LYST: variants seen among roughly 807,000 people sequenced by gnomAD.
LYST encodes the protein lysosomal trafficking regulator.
Under a neutral mutation model 413.6 loss-of-function variants are expected in LYST, and 192 were observed. The observed-to-expected ratio is 0.46, with a 90% confidence interval of 0.41 to 0.52. LYST has a LOEUF of 0.52. Ranked by LOEUF, LYST falls within the 20% of genes least tolerant of loss-of-function variation. The probability of loss-of-function intolerance (pLI) is 0.00; values close to 1 mark genes in which losing one functional copy is unlikely to be tolerated. For synonymous variants in LYST, 1,525 were observed against 1,567.3 expected (o/e 0.97, Z 0.64); for missense variants, 3,815 against 4,499.9 (o/e 0.85, Z 4.35).
chr1:235,677,540 G>T lies in LYST; in HGVS notation c.10880C>A (p.Pro3627Gln), dbSNP rs772607938. 6.2e-7 allele frequency: 1 copy of T among 1,613,122 alleles called. No homozygotes were observed. The highest frequency in any genetic ancestry group is 8.5e-7 in the Non-Finnish European group (1 of 1,179,248). The change falls in exon 49 of 53, where the codon CCA becomes CAA. Residue 3627 changes from proline (P) to glutamine (Q), a missense_variant. Transcript: ENST00000389793. ...EEITSLFVCK[P>Q]YSILISVSRD... ...GCTCACACTTATCAGTATACTGTAT[G>T]GTTTGCAAACAAATAAGCTGGTTAT...
At chr1:235,767,651 C>A (rs977129494) in intron 20 of LYST, among the ~76,000 whole-genome samples, 1 of 151,962 alleles carries the variant, frequency 6.6e-6, no homozygotes, top group Admixed American at 6.6e-5. Flanking sequence ...TTTTTTTAAT[C>A]CCTTAACTTT....
chr1:235,787,392 G>A lies in LYST; in HGVS notation c.4689-19C>T. 11 of 1,609,270 alleles carry A rather than the reference G, an allele frequency of 6.8e-6. No homozygotes were observed. Among genetic ancestry groups the A allele is most frequent in the Non-Finnish European group, 8.5e-6 (10 of 1,176,112 alleles). On this transcript the variant is annotated intron_variant, in intron 13 of 52. Transcript: ENST00000389793. ...GCACACACTACAGAAAAAGAGAAAA[G>A]GCATAGGCTGAAAACATGAAAATTC...
In LYST at chr1:235,727,927, A is replaced by T. The variant is rs538238947; in HGVS notation, c.9162+149T>A. On this transcript the variant is annotated intron_variant, in intron 38 of 52. Transcript: ENST00000389793. The stretch of plus-strand genomic sequence containing the variant: ...CAGTCTTCTTTTTAAAATTATATTT[A>T]AAAAAATGTTTGGAACTCAGACCAA... 1.5e-4 allele frequency: 92 copies of T among 616,586 alleles called. No homozygotes were observed. The East Asian group carries it at 2.3e-3, about 15-fold the overall frequency. 38.2% of individuals were successfully genotyped at this position (616,586 alleles called of 1,614,324 possible). A position where few individuals can be genotyped will look rare whatever the true frequency, so the allele number is the denominator to read the frequency against.
chr1:235,698,643 G>T (rs552236003), intron 45 of LYST, among the ~76,000 whole-genome samples: 1 of 152,158 alleles, frequency 6.6e-6, no homozygotes, highest in East Asian at 1.9e-4. Context: ...AGGCCGAGGC[G>T]GGCGGATCAT....
chr1:235,733,572 C>A lies in LYST; in HGVS notation c.8732G>T (p.Gly2911Val), dbSNP rs1404874499. ...ERKKVIQHIR[G>V]MYKVDLSASR... ...GGCACTCAAATCTACTTTATACATT[C>A]CTCTAATATGCTGGATCACCTTTTT... The change falls in exon 34 of 53, where the codon GGA becomes GTA. Residue 2911 changes from glycine to valine, a missense_variant. Physicochemically the swap from Gly to Val is moderately radical, Grantham distance 109. This residue lies in a region of LYST where 866 missense variants were observed against 1,156.0 expected (regional missense o/e 0.75). Coordinates refer to ENST00000389793, the MANE Select transcript of LYST (RefSeq NM_000081.4). The A allele has an allele frequency of 8.1e-6, 13 of 1,613,938 alleles. No individual in the cohort carries two copies. The highest frequency in any genetic ancestry group is 1.1e-5 in the Non-Finnish European group (13 of 1,179,894).
rs763560118 is a variant in LYST at position 235,809,730 on chromosome 1, A to G, written c.1088T>C (p.Ile363Thr). Residue 363 changes from isoleucine (I) to threonine (T), a missense_variant, in exon 5 of 53, where the codon ATT (isoleucine) becomes ACT (threonine). Ile to Thr is a moderately conservative substitution (Grantham distance 89, BLOSUM62 -1). Around this residue, in one of 4 missense-constraint regions of LYST, gnomAD observed 1,648 missense variants for 1,810.3 expected, o/e 0.91. Transcript: ENST00000389793. The surrounding 1 kb of genome is among the most constrained non-coding windows in gnomAD (Gnocchi z 4.0). The stretch of plus-strand genomic sequence containing the variant: ...AGGCTGCTTTTCTAGGCATATTCTA[A>G]TTTTTAAAGCTGCTCTAAGCAATTC... Reference protein sequence around the residue: ...LTELLRAALKIRICLEKQPDP... With the variant: ...LTELLRAALKTRICLEKQPDP... 1 of 1,613,768 alleles carries G rather than the reference A, an allele frequency of 6.2e-7. No homozygotes were observed.
At position 235,782,716 on chromosome 1, in the gene LYST, C is replaced by G. The variant is rs189943445; in HGVS notation, c.4863-629G>C. On this transcript the variant is annotated intron_variant, in intron 14 of 52. Coordinates refer to ENST00000389793, the MANE Select transcript of LYST (RefSeq NM_000081.4). Reference sequence around the variant, plus strand: ...GTTTACAGATATAAACCAACCACCTCCCCTTAATTTTGCCAAGAAGTCTCC... The same window carrying G: ...GTTTACAGATATAAACCAACCACCTGCCCTTAATTTTGCCAAGAAGTCTCC... Among the ~76,000 whole-genome samples, 19 of 152,272 alleles carry G rather than the reference C, an allele frequency of 1.2e-4. No homozygotes were observed. The East Asian group carries it at 3.3e-3, about 26-fold the overall frequency.
At chr1:235,694,523 G>C (rs1177523565) in intron 46 of LYST, among the ~76,000 whole-genome samples, 1 of 152,130 alleles carries the variant, frequency 6.6e-6, no homozygotes, top group Non-Finnish European at 1.5e-5. Context: ...ATTTATTCCA[G>C]TACCTAGCAG....
At position 235,792,008 on chromosome 1, in the gene LYST, G is replaced by A; in HGVS notation, c.4234C>T (p.Gln1412Ter). The change falls in exon 12 of 53, where the codon CAA (glutamine) becomes TAA (stop). Residue 1412 changes from glutamine to a stop codon, truncating the protein, a stop_gained. Coordinates refer to ENST00000389793, the MANE Select transcript of LYST (RefSeq NM_000081.4). LOFTEE classifies it high-confidence loss of function. The part of the protein sequence containing the change: ...APNLSNGVSS[Q>*]KYPGILNSKA... The stretch of plus-strand genomic sequence containing the variant: ...CTGTTTAAAATCCCAGGATACTTTT[G>A]TGATGAAACACCGTTGCTTAAATTT... 1 of 1,614,094 alleles carries A rather than the reference G, an allele frequency of 6.2e-7. No individual in the cohort carries two copies. The highest frequency in any genetic ancestry group is 1.1e-5 in the South Asian group (1 of 91,086).
intron 42 of LYST, chr1:235,712,697 G>C (rs889955992): frequency 8.5e-5 from 84 of 984,852 alleles, no homozygotes; most frequent in East Asian, 2.3e-4. Context: ...TTTTTTTCGG[G>C]GGGGTGCGTA....
chr1:235,779,921 T>C (rs1669674814), intron 16 of LYST, among the ~76,000 whole-genome samples: 1 of 152,180 alleles, frequency 6.6e-6, no homozygotes, highest in Non-Finnish European at 1.5e-5. Flanking sequence ...TAGATTTTAG[T>C]AGATTTTCTA....
rs1659443751 is a variant in LYST, at chr1:235,677,137, G to A, written c.10992C>T (p.Val3664=). 1 of 1,613,918 alleles carries A rather than the reference G, an allele frequency of 6.2e-7. No homozygotes were observed. Among genetic ancestry groups the A allele is most frequent in the South Asian group, 1.1e-5 (1 of 91,076 alleles). The part of the protein sequence containing the change: ...LAGHKSPVTA[V]SASETSGDIA... The stretch of plus-strand genomic sequence containing the variant: ...TATCACCTGAGGTTTCACTGGCAGA[G>A]ACAGCTGTGACAGGGCTTTTGTGTC... Residue 3664 remains valine, a synonymous_variant, in exon 50 of 53, where the codon GTC becomes GTT. Transcript: ENST00000389793.
intron 8 of LYST, among the ~76,000 whole-genome samples, chr1:235,801,942 TC>T (rs1672275232): frequency 6.6e-6 from 1 of 152,058 alleles, no homozygotes; most frequent in Non-Finnish European, 1.5e-5. Context: ...ACGCCTGTAA[TC>T]CCAGCACTTT....
chr1:235,690,204 A>C (rs1660541944), intron 47 of LYST, among the ~76,000 whole-genome samples: 1 of 152,240 alleles, frequency 6.6e-6, no homozygotes, highest in East Asian at 1.9e-4. Context: ...GATGACAGCA[A>C]TGAGTTAAAT....
At chr1:235,683,680 G>GT (rs1660003648) in intron 48 of LYST, among the ~76,000 whole-genome samples, 1 of 152,200 alleles carries the variant, frequency 6.6e-6, no homozygotes, top group African/African-American at 2.4e-5. Flanking sequence ...GTGGCACTTG[G>GT]TTGGGGGGCC....
chr1:235,791,155 C>A (rs111975307), intron 12 of LYST, among the ~76,000 whole-genome samples: 2 of 151,870 alleles, frequency 1.3e-5, no homozygotes, highest in African/African-American at 4.8e-5. Context: ...TGATTGCTGG[C>A]GCCTGAATCC....
Position 235,757,343 on chromosome 1 carries a change from C to T in LYST, c.6997G>A (p.Ala2333Thr), listed in dbSNP as rs766596704. 1 of 1,613,530 alleles carries T rather than the reference C, an allele frequency of 6.2e-7. No homozygotes were observed. Among genetic ancestry groups the T allele is most frequent in the South Asian group, 1.1e-5 (1 of 91,058 alleles). ...TTAACGAGGACCAAAAGTGTATCTG[C>T]TTGAATAAGCTTGTCCATCACATCT... The part of the protein sequence containing the change: ...LEDVMDKLIQ[A>T]DTLLVLVNHP... Residue 2333 changes from alanine (A) to threonine (T), a missense_variant, in exon 24 of 53, where the codon GCA becomes ACA. Transcript: ENST00000389793.
chr1:235,806,231 AACGAC>A lies in LYST; in HGVS notation c.2900_2904del (p.Cys967LeufsTer15). Reference sequence around the variant, plus strand: ...AACACTGAACTCAACATGTAGATCCAACGACACATAGACCAAATGTCTGCTGCTTG... The same window carrying A: ...AACACTGAACTCAACATGTAGATCCAACATAGACCAAATGTCTGCTGCTTG... On this transcript the variant is annotated frameshift_variant, in exon 6 of 53. Coordinates refer to ENST00000389793, the MANE Select transcript of LYST (RefSeq NM_000081.4). LOFTEE classifies it high-confidence loss of function. 6.2e-7 allele frequency: 1 copy of A among 1,614,072 alleles called. No individual in the cohort carries two copies. Among genetic ancestry groups the A allele is most frequent in the South Asian group, 1.1e-5 (1 of 91,084 alleles).
chr1:235,827,504 CATACAACTATGTGTCTAGTGTTATG>C (rs1336886058), intron 3 of LYST: 1 of 980,528 alleles, frequency 1.0e-6, no homozygotes, highest in Non-Finnish European at 1.2e-6. Flanking sequence ...CCTCCTAAAA[CATACAACTATGTGTCTAGTGTTATG>C]ATTTCATCTT....
Sources: gnomAD v4.1 joint callset for allele counts (sites outside exome capture counted in the v4.1 genomes callset) on GRCh38, gnomAD v4.1.1 for gene constraint, gnomAD v4.1.1 regional missense constraint, Gnocchi (gnomAD v3.1) non-coding constraint, MANE v1.5 for transcripts, NCBI Gene and HGNC (gene_info 2026-07-23, HGNC 2026-07-21) for gene names.